The following TDRD9 variants were observed in gnomAD, a reference collection of about 807,000 sequenced individuals.
TDRD9 encodes the protein ATP-dependent RNA helicase TDRD9.
TDRD9 carries 124 observed loss-of-function variants against 172.6 expected under a neutral mutation model. The ratio of observed to expected loss-of-function variants is 0.72; its 90% CI spans 0.62 to 0.83. The LOEUF (loss-of-function observed/expected upper bound fraction) is 0.83, where lower values mean the gene tolerates loss of function less well. Among genes scored for constraint, TDRD9 ranks in the 40% least tolerant of loss-of-function variants. The pLI, the probability that TDRD9 is intolerant of heterozygous loss-of-function variation, is 0.00. For missense variants in TDRD9, 1,479 were observed against 1,714.1 expected (o/e 0.86, Z 2.42); for synonymous variants, 619 against 617.1 (o/e 1.00, Z -0.05).
In TDRD9 at chr14:103,928,458, T is replaced by A; in HGVS notation, c.-52T>A. On this transcript the variant is annotated 5_prime_UTR_variant, in exon 1 of 36. Transcript: ENST00000409874. ...AGGGTGCGCTTCCGCCGTCGCCTGT[T>A]CCCGCCGCGGAGACCCGGCAGTTGG... 4 of 1,407,548 alleles carry A rather than the reference T, an allele frequency of 2.8e-6. No homozygotes were observed. The highest frequency in any genetic ancestry group is 3.7e-6 in the Non-Finnish European group (4 of 1,070,610). 87.2% of individuals were successfully genotyped at this position (1,407,548 alleles called of 1,614,324 possible). A position where few individuals can be genotyped will look rare whatever the true frequency, so the allele number is the denominator to read the frequency against.
chr14:104,011,981 A>C (rs2034627198), intron 20 of TDRD9, among the ~76,000 whole-genome samples: 1 of 152,156 alleles, frequency 6.6e-6, no homozygotes, highest in Non-Finnish European at 1.5e-5. Flanking sequence ...GTCCTTTCCC[A>C]GTAGAGTCTT....
chr14:103,977,792 A>G (rs1048059586), intron 7 of TDRD9, among the ~76,000 whole-genome samples: 1 of 152,092 alleles, frequency 6.6e-6, no homozygotes, highest in Non-Finnish European at 1.5e-5. Flanking sequence ...TAATAGCTTC[A>G]TAGTTTCAGG....
chr14:103,993,804 C>T (rs1459676007), intron 9 of TDRD9, among the ~76,000 whole-genome samples: 1 of 152,172 alleles, frequency 6.6e-6, no homozygotes, highest in Non-Finnish European at 1.5e-5. Flanking sequence ...CACCACCTTC[C>T]GCATTCTGGG....
At chr14:103,981,027 G>T (rs1348619213) in intron 7 of TDRD9, among the ~76,000 whole-genome samples, 1 of 152,050 alleles carries the variant, frequency 6.6e-6, no homozygotes, top group Non-Finnish European at 1.5e-5. Flanking sequence ...TCATATCTAA[G>T]ATCTATATCT....
chr14:103,931,770 A>G (rs2030403770), intron 1 of TDRD9, among the ~76,000 whole-genome samples: 2 of 152,232 alleles, frequency 1.3e-5, no homozygotes, highest in Non-Finnish European at 2.9e-5. Flanking sequence ...AAGATTAGCT[A>G]GATTGTCTGA....
At chr14:104,008,323 A>G in intron 19 of TDRD9, 90 bp from the exon 20 acceptor site, 1 of 788,434 alleles carries the variant, frequency 1.3e-6, no homozygotes, top group Non-Finnish European at 2.1e-6. Context: ...TTCATCATTA[A>G]ATTTTTGGAT....
At chr14:103,996,819 G>C (rs1230273121) in intron 12 of TDRD9, among the ~76,000 whole-genome samples, 1 of 152,204 alleles carries the variant, frequency 6.6e-6, no homozygotes, top group Non-Finnish European at 1.5e-5. Context: ...ATTGGGTAGG[G>C]AGTGTCAGGG....
intron 1 of TDRD9, among the ~76,000 whole-genome samples, chr14:103,946,594 A>C (rs1219875170): frequency 6.6e-6 from 1 of 152,220 alleles, no homozygotes; most frequent in African/African-American, 2.4e-5. Context: ...CAAATTACAA[A>C]GGAAGAAGTA....
At chr14:103,940,123 C>T (rs912156920) in intron 1 of TDRD9, among the ~76,000 whole-genome samples, 2 of 151,908 alleles carry the variant, frequency 1.3e-5, no homozygotes, top group African/African-American at 4.8e-5. Context: ...GCTATTTCAC[C>T]AGAGTATAAG....
At chr14:103,954,943 T>C (rs1342736308) in intron 1 of TDRD9, among the ~76,000 whole-genome samples, 2 of 151,340 alleles carry the variant, frequency 1.3e-5, no homozygotes, top group Non-Finnish European at 2.9e-5. Context: ...TATTTTTTTT[T>C]TGAAACAGGG....
chr14:104,038,076 G>T (rs1189903911), intron 32 of TDRD9, among the ~76,000 whole-genome samples: 1 of 152,086 alleles, frequency 6.6e-6, no homozygotes, highest in Non-Finnish European at 1.5e-5. Flanking sequence ...TCCTTCCCTT[G>T]GTTCTTGGAG....
At chr14:104,038,802 T>A (rs1025897411) in intron 32 of TDRD9, among the ~76,000 whole-genome samples, 6 of 152,166 alleles carry the variant, frequency 3.9e-5, no homozygotes, top group Admixed American at 6.5e-5. Flanking sequence ...CCCAGGTAGC[T>A]GAGATTACAG....
At chr14:103,991,623 G>A (rs1010689999) in intron 9 of TDRD9, among the ~76,000 whole-genome samples, 1 of 152,094 alleles carries the variant, frequency 6.6e-6, no homozygotes, top group Non-Finnish European at 1.5e-5. Context: ...ATGTTGGCCA[G>A]GATGGTCTCG....
rs1354884446 is a variant in TDRD9, at chr14:104,040,298, G to A, written c.3819G>A (p.Ala1273=). 12 of 1,551,444 alleles carry A rather than the reference G, an allele frequency of 7.7e-6. No homozygotes were observed. Among genetic ancestry groups the A allele is most frequent in the African/African-American group, 4.1e-5 (3 of 73,024 alleles). ...TGCCCGAGCACGACATGGAGCTTGC[G>A]TTTGACGTTCAATTCAGCGTGGAGG... ...SILPEHDMEL[A]FDVQFSVEDV... is the part of the protein sequence containing the mutation. The change falls in exon 33 of 36, where the codon GCG becomes GCA. Residue 1273 remains alanine (A), a synonymous_variant. Transcript: ENST00000409874.
intron 13 of TDRD9, among the ~76,000 whole-genome samples, chr14:104,003,010 T>C (rs117227242): frequency 1.3e-5 from 2 of 152,138 alleles, no homozygotes; most frequent in East Asian, 1.9e-4. Context: ...ATTACAGGTG[T>C]AGGCTAAACT....
chr14:103,955,172 G>A (rs1039058600), intron 1 of TDRD9, among the ~76,000 whole-genome samples: 1 of 152,110 alleles, frequency 6.6e-6, no homozygotes, highest in Non-Finnish European at 1.5e-5. Flanking sequence ...TGATCCAGCC[G>A]CCTTGGCCTC....
chr14:104,011,255 A>G (rs2034603564), intron 20 of TDRD9, among the ~76,000 whole-genome samples: 2 of 152,126 alleles, frequency 1.3e-5, no homozygotes, highest in Admixed American at 1.3e-4. Context: ...TTCTCCCAAA[A>G]CATTGCTCGG....
chr14:104,020,811 G>A (rs1359854249), intron 23 of TDRD9, among the ~76,000 whole-genome samples: 1 of 152,196 alleles, frequency 6.6e-6, no homozygotes, highest in African/African-American at 2.4e-5. Flanking sequence ...GGGGACCCAG[G>A]GGCATTAGAA....
rs577643271 is a variant in TDRD9 at position 104,001,166 on chromosome 14, A to C, written c.1483+2438A>C. 3.9e-5 allele frequency among the ~76,000 whole-genome samples: 6 copies of C among 152,342 alleles called. No homozygotes were observed. The South Asian group carries it at 1.0e-3, about 26-fold the overall frequency. On this transcript the variant is annotated intron_variant, in intron 13 of 35. Transcript: ENST00000409874. ...GTGTAACCACTACTATGATCAGAGCACAGAACTGTCCTGTCCCACTGCTAT... is the reference window on the plus strand; with the variant it reads ...GTGTAACCACTACTATGATCAGAGCCCAGAACTGTCCTGTCCCACTGCTAT...
Sources: gnomAD v4.1 joint callset for allele counts (sites outside exome capture counted in the v4.1 genomes callset) on GRCh38, gnomAD v4.1.1 for gene constraint, MANE v1.5 for transcripts, NCBI Gene and HGNC (gene_info 2026-07-23, HGNC 2026-07-21) for gene names.